CENPP: variants seen among roughly 807,000 people sequenced by gnomAD.
CENPP encodes centromere protein P.
In CENPP, 24 loss-of-function variants were observed where a neutral mutation model predicts 35.6. The ratio of observed to expected loss-of-function variants is 0.67; its 90% CI spans 0.49 to 0.95. The LOEUF is 0.95. CENPP is among the 40% of genes least tolerant of loss of function. The pLI is 0.00. For missense variants in CENPP, 332 were observed against 345.3 expected (o/e 0.96, Z 0.31); for synonymous variants, 120 against 125.5 (o/e 0.96, Z 0.29).
At chr9:92,349,542 T>C (rs549652860) in intron 4 of CENPP, among the ~76,000 whole-genome samples, 11 of 152,106 alleles carry the variant, frequency 7.2e-5, no homozygotes, top group African/African-American at 2.6e-4. Flanking sequence ...TAGCTGGGAT[T>C]ATAGGCACGC....
At position 92,552,091 on chromosome 9, in the gene CENPP, TATGATAGATCTATCATATATATGTGA is replaced by T. The variant is rs1302874929; in HGVS notation, c.565-59222_565-59197del. ...TATGATAGATCTATCATATATGTGA[TATGATAGATCTATCATATATATGTGA>T]TATGATAGATCTATCATATATATGT... On this transcript the variant is annotated intron_variant, in intron 5 of 7. Coordinates refer to ENST00000375587, the MANE Select transcript of CENPP (RefSeq NM_001012267.3). Among the ~76,000 whole-genome samples, 44 of 136,430 alleles carry T rather than the reference TATGATAGATCTATCATATATATGTGA, an allele frequency of 3.2e-4. 1 individual carries two copies. Among genetic ancestry groups the T allele is most frequent in the East Asian group, 4.1e-4 (2 of 4,870 alleles). The allele number at this position is 136,430 out of a possible 152,430, so 89.5% of individuals were successfully genotyped here.
chr9:92,533,412 T>TTTTG (rs1046798034), intron 5 of CENPP, among the ~76,000 whole-genome samples: 10 of 144,504 alleles, frequency 6.9e-5, no homozygotes, highest in African/African-American at 1.3e-4. Flanking sequence ...CTTGCCTCCA[T>TTTTG]TTTGTTTGTT....
intron 5 of CENPP, among the ~76,000 whole-genome samples, chr9:92,410,119 G>T (rs2130946063): frequency 6.6e-6 from 1 of 152,146 alleles, no homozygotes; most frequent in South Asian, 2.1e-4. Flanking sequence ...TGTGTTTTTA[G>T]TAGAGACAGG....
intron 3 of CENPP, among the ~76,000 whole-genome samples, chr9:92,339,187 C>T (rs1841028378): frequency 6.6e-6 from 1 of 152,192 alleles, no homozygotes; most frequent in South Asian, 2.1e-4. Context: ...GTTGTTGTAA[C>T]TGAGTCCTAT....
chr9:92,520,320 A>G (rs1007032931), intron 5 of CENPP, among the ~76,000 whole-genome samples: 1 of 152,116 alleles, frequency 6.6e-6, no homozygotes. Context: ...GGTTGAATAG[A>G]TATTTCTCCA....
chr9:92,403,313 T>A, intron 5 of CENPP: 1 of 1,612,822 alleles, frequency 6.2e-7, no homozygotes. Flanking sequence ...TGTTCCATAA[T>A]CATAGATAAT....
intron 5 of CENPP, among the ~76,000 whole-genome samples, chr9:92,599,810 A>G (rs1850866891): frequency 6.6e-6 from 1 of 152,066 alleles, no homozygotes; most frequent in South Asian, 2.1e-4. Context: ...CTCCCACTAG[A>G]TGTTTCTCCA....
chr9:92,389,982 G>C (rs769241239), intron 5 of CENPP: 1 of 1,610,950 alleles, frequency 6.2e-7, no homozygotes, highest in Admixed American at 1.7e-5. Context: ...TCTTCTAACA[G>C]AGAAAGTTTT....
chr9:92,377,166 A>G (rs1292258094), intron 4 of CENPP, among the ~76,000 whole-genome samples: 2 of 152,166 alleles, frequency 1.3e-5, no homozygotes, highest in Non-Finnish European at 2.9e-5. Context: ...TTGCAGCTCT[A>G]TTTTTCAGGC....
At chr9:92,385,852 A>C (rs1223800230) in intron 5 of CENPP, 1 of 1,550,644 alleles carries the variant, frequency 6.4e-7, no homozygotes, top group Non-Finnish European at 8.9e-7. Flanking sequence ...TATGCTATAT[A>C]ATGGGTAAAG....
intron 5 of CENPP, among the ~76,000 whole-genome samples, chr9:92,589,665 GAT>G (rs2131374501): frequency 1.3e-5 from 2 of 152,228 alleles, no homozygotes; most frequent in South Asian, 4.1e-4. Flanking sequence ...CTGTTTTGTT[GAT>G]TACAGCTATT....
chr9:92,365,794 T>TC (rs1174989512), intron 4 of CENPP, among the ~76,000 whole-genome samples: 1 of 152,166 alleles, frequency 6.6e-6, no homozygotes, highest in South Asian at 2.1e-4. Context: ...TCTTTCTTTT[T>TC]TTTTTCTTAA....
At chr9:92,570,337 A>T (rs926753630) in intron 5 of CENPP, among the ~76,000 whole-genome samples, 1 of 152,132 alleles carries the variant, frequency 6.6e-6, no homozygotes. Context: ...TGAGATAATC[A>T]TGTGGTTTTT....
chr9:92,512,183 C>T, intron 5 of CENPP: 1 of 1,124,742 alleles, frequency 8.9e-7, no homozygotes, highest in African/African-American at 1.6e-5. Context: ...CATGTACACA[C>T]ATGTATGGGC....
At chr9:92,356,294 G>A (rs538754763) in intron 4 of CENPP, among the ~76,000 whole-genome samples, 2 of 152,270 alleles carry the variant, frequency 1.3e-5, no homozygotes, top group South Asian at 4.1e-4. Context: ...GAAAGGGTGA[G>A]AAAAAGATTT....
intron 5 of CENPP, among the ~76,000 whole-genome samples, chr9:92,534,376 A>T (rs1420464680): frequency 6.6e-6 from 1 of 152,158 alleles, no homozygotes; most frequent in Non-Finnish European, 1.5e-5. Context: ...GTCAGGTTTC[A>T]CTTAGTTAGT....
chr9:92,385,839 T>G (rs754968978), intron 5 of CENPP: 11 of 1,585,648 alleles, frequency 6.9e-6, no homozygotes, highest in Non-Finnish European at 8.7e-6. Flanking sequence ...AATCAACCTT[T>G]CATATGCTAT....
intron 5 of CENPP, among the ~76,000 whole-genome samples, chr9:92,392,711 C>CTT (rs1301408673): frequency 6.6e-6 from 1 of 152,082 alleles, no homozygotes; most frequent in East Asian, 1.9e-4. Flanking sequence ...AGAAAAAGCA[C>CTT]TTTCTGTGTT....
chr9:92,425,591 G>A (rs1370675163), intron 5 of CENPP, among the ~76,000 whole-genome samples: 1 of 152,138 alleles, frequency 6.6e-6, no homozygotes. Context: ...GTGAATCCTG[G>A]AGTTCATTTT....
Sources: gnomAD v4.1 joint callset for allele counts (sites outside exome capture counted in the v4.1 genomes callset) on GRCh38, gnomAD v4.1.1 for gene constraint, MANE v1.5 for transcripts, NCBI Gene and HGNC (gene_info 2026-07-23, HGNC 2026-07-21) for gene names.